The following COL15A1 variants were observed in gnomAD, a reference collection of about 807,000 sequenced individuals.
COL15A1 encodes collagen alpha-1(XV) chain.
In COL15A1, 111 loss-of-function variants were observed where a neutral mutation model predicts 165.9. The observed-to-expected ratio is 0.67, with a 90% CI of 0.57 to 0.78. COL15A1 has a LOEUF of 0.78. COL15A1 is among the 30% of genes least tolerant of loss of function. The probability of loss-of-function intolerance (pLI) is 0.00; values close to 1 mark genes in which losing one functional copy is unlikely to be tolerated. For missense variants in COL15A1, 1,745 were observed against 1,789.7 expected (o/e 0.98, Z 0.45); for synonymous variants, 659 against 674.8 (o/e 0.98, Z 0.36).
intron 12 of COL15A1, among the ~76,000 whole-genome samples, chr9:99,020,937 G>A (rs1292164477): frequency 1.3e-5 from 2 of 152,250 alleles, no homozygotes; most frequent in Admixed American, 6.5e-5. Flanking sequence ...TGGAGGTGGT[G>A]ATGATGACCC....
chr9:99,069,561 A>C, intron 41 of COL15A1, 112 bp from the exon 42 acceptor site: 1 of 1,362,944 alleles, frequency 7.3e-7, no homozygotes, highest in African/African-American at 1.5e-5. Flanking sequence ...GTGATTTGGC[A>C]TCAGGGTTAA....
rs932917789 is a variant in COL15A1 at position 98,950,167 on chromosome 9, G to A, written c.100+5917G>A. ...TCTGAACATTTGCATACAAGTATTCGGATGCTTGACGGCCTGTTTCTACTT... is the reference window on the plus strand; with the variant it reads ...TCTGAACATTTGCATACAAGTATTCAGATGCTTGACGGCCTGTTTCTACTT... On this transcript the variant is annotated intron_variant, in intron 2 of 41. Transcript: ENST00000375001. 4.6e-5 allele frequency among the ~76,000 whole-genome samples: 7 copies of A among 151,992 alleles called. No individual in the cohort carries two copies. In the South Asian group the frequency reaches 8.3e-4, roughly 18 times the overall value.
chr9:98,993,881 C>T (rs972690447), intron 5 of COL15A1, among the ~76,000 whole-genome samples: 1 of 152,162 alleles, frequency 6.6e-6, no homozygotes, highest in African/African-American at 2.4e-5. Flanking sequence ...TCAGCCTTTC[C>T]AGCCTGCCAC....
intron 39 of COL15A1, 122 bp downstream of exon 39, chr9:99,063,231 C>A: frequency 1.7e-6 from 2 of 1,181,172 alleles, no homozygotes; most frequent in Non-Finnish European, 2.2e-6. Context: ...GAGAGGCAAA[C>A]AAAAAACAGA....
chr9:98,979,724 A>G (rs553825505), intron 2 of COL15A1, among the ~76,000 whole-genome samples: 1 of 152,110 alleles, frequency 6.6e-6, no homozygotes, highest in Non-Finnish European at 1.5e-5. Context: ...CAAATTTACC[A>G]ATCTTTTAAC....
intron 2 of COL15A1, 129 bp from the exon 3 acceptor site, chr9:98,985,436 C>A: frequency 2.1e-6 from 2 of 934,608 alleles, no homozygotes; most frequent in Non-Finnish European, 3.1e-6. Flanking sequence ...TGAAAAACAA[C>A]CATTTAGGAA....
intron 2 of COL15A1, among the ~76,000 whole-genome samples, chr9:98,944,669 G>A (rs1258738877): frequency 6.6e-6 from 1 of 152,268 alleles, no homozygotes; most frequent in Non-Finnish European, 1.5e-5. Context: ...CATGAACACC[G>A]GGAGGGACAT....
chr9:99,052,759 A>G (rs1217985155), intron 31 of COL15A1, among the ~76,000 whole-genome samples: 1 of 152,202 alleles, frequency 6.6e-6, no homozygotes, highest in African/African-American at 2.4e-5. Context: ...GGCAGATTCC[A>G]AGAGCCTGAG....
chr9:98,992,111 C>T (rs913950058), intron 5 of COL15A1, among the ~76,000 whole-genome samples: 1 of 152,264 alleles, frequency 6.6e-6, no homozygotes, highest in East Asian at 1.9e-4. Context: ...TCCCACGCTG[C>T]CTCCTCAGCC....
intron 32 of COL15A1, among the ~76,000 whole-genome samples, 168 bp from the exon 33 acceptor site, chr9:99,054,934 T>TG (rs1564088981): frequency 6.6e-6 from 1 of 152,230 alleles, no homozygotes; most frequent in Non-Finnish European, 1.5e-5. Flanking sequence ...TCTGGGTTGA[T>TG]GGGCCCACAG....
Position 99,052,404 on chromosome 9 carries a change from C to A in COL15A1, c.2921C>A (p.Pro974His). The A allele has an allele frequency of 6.2e-7, 1 of 1,612,406 alleles. No homozygotes were observed. The highest frequency in any genetic ancestry group is 8.5e-7 in the Non-Finnish European group (1 of 1,178,448). Residue 974 changes from proline to histidine, a missense_variant, in exon 31 of 42, where the codon CCT becomes CAT. Pro to His is a moderately conservative substitution (Grantham distance 77, BLOSUM62 -2). Coordinates refer to ENST00000375001, the MANE Select transcript of COL15A1 (RefSeq NM_001855.5). ...TCTTTCCAGGTTGATACTGCTCATC[C>A]TGGGAGTCCAGAGCTCATCACTTTT... ...HCKMPVDTAH[P>H]GSPELITFHG...
At chr9:98,983,260 T>C (rs1300822081) in intron 2 of COL15A1, among the ~76,000 whole-genome samples, 4 of 152,138 alleles carry the variant, frequency 2.6e-5, no homozygotes, top group Admixed American at 6.6e-5. Flanking sequence ...TAAGTATACA[T>C]ACCCATTCAT....
chr9:98,985,585 C>A lies in COL15A1; in HGVS notation c.121C>A (p.Leu41Met). 6.2e-7 allele frequency: 1 copy of A among 1,613,508 alleles called. No homozygotes were observed. Among genetic ancestry groups the A allele is most frequent in the Non-Finnish European group, 8.5e-7 (1 of 1,179,470 alleles). Reference protein sequence around the residue: ...GATETASQGHLDLTQLIGVPL... With the variant: ...GATETASQGHMDLTQLIGVPL... ...TGCAGAGACTGCTTCCCAGGGTCAC[C>A]TGGACCTCACGCAGCTCATCGGTGT... Residue 41 changes from leucine (L) to methionine (M), a missense_variant, in exon 3 of 42, where the codon CTG becomes ATG. Transcript: ENST00000375001.
chr9:98,981,473 A>G (rs1312995510), intron 2 of COL15A1, among the ~76,000 whole-genome samples: 2 of 152,194 alleles, frequency 1.3e-5, no homozygotes, highest in Non-Finnish European at 2.9e-5. Context: ...AAAAGAAAAG[A>G]AAATATAAGA....
intron 16 of COL15A1, among the ~76,000 whole-genome samples, chr9:99,029,879 C>A (rs552603834): frequency 2.6e-5 from 4 of 151,026 alleles, no homozygotes; most frequent in Non-Finnish European, 5.9e-5. Context: ...GAGCCGAGAT[C>A]GTGCCATTGC....
intron 16 of COL15A1, among the ~76,000 whole-genome samples, chr9:99,030,706 A>G (rs1453034588): frequency 6.6e-6 from 1 of 152,230 alleles, no homozygotes; most frequent in Non-Finnish European, 1.5e-5. Flanking sequence ...CTTTATGGAC[A>G]TAATTTTCTG....
chr9:99,043,321 C>A (rs146659315), intron 24 of COL15A1, among the ~76,000 whole-genome samples: 175 of 152,184 alleles, frequency 1.1e-3, no homozygotes, highest in Non-Finnish European at 2.0e-3. Flanking sequence ...GGAGATGGAC[C>A]AGGGCTGGCC....
At chr9:99,056,112 C>A in intron 34 of COL15A1, 148 bp from the exon 35 acceptor site, 1 of 856,288 alleles carries the variant, frequency 1.2e-6, no homozygotes, top group Admixed American at 2.0e-5. Flanking sequence ...AGGCCTTACC[C>A]CACCTTGAAT....
chr9:98,957,420 TA>T (rs1837794979), intron 2 of COL15A1, among the ~76,000 whole-genome samples: 1 of 152,186 alleles, frequency 6.6e-6, no homozygotes, highest in South Asian at 2.1e-4. Flanking sequence ...AACTGTAAGA[TA>T]AAAAAACTTG....
Sources: gnomAD v4.1 joint callset for allele counts (sites outside exome capture counted in the v4.1 genomes callset) on GRCh38, gnomAD v4.1.1 for gene constraint, MANE v1.5 for transcripts, NCBI Gene and HGNC (gene_info 2026-07-23, HGNC 2026-07-21) for gene names.